The following ENTPD5 variants were observed in gnomAD, a reference collection of about 807,000 sequenced individuals.
ENTPD5 encodes nucleoside diphosphate phosphatase ENTPD5.
In ENTPD5, 49 loss-of-function variants were observed where a neutral mutation model predicts 60.2. That is an observed-to-expected ratio of 0.81 (90% CI 0.65 to 1.03). The LOEUF (loss-of-function observed/expected upper bound fraction) is 1.03, where lower values mean the gene tolerates loss of function less well. Ranked by LOEUF, ENTPD5 falls within the 50% of genes least tolerant of loss-of-function variation. ENTPD5 has a pLI of 0.00. For missense variants in ENTPD5, 480 were observed against 507.6 expected (o/e 0.95, Z 0.52); for synonymous variants, 187 against 185.4 (o/e 1.01, Z -0.07).
At position 73,987,295 on chromosome 14, in the gene ENTPD5, G is replaced by A. The variant is rs1443643189; in HGVS notation, c.218-402C>T. 11 of 613,332 alleles carry A rather than the reference G, an allele frequency of 1.8e-5. No homozygotes were observed. In the East Asian group the frequency reaches 1.9e-4, roughly 11 times the overall value. The allele number at this position is 613,332 out of a possible 1,614,324, so 38.0% of individuals were successfully genotyped here. ...ATTATGGATCCCTGGAGTATCCCATGTTTAAAGAGGAAGAACAAATTATAA... is the reference window on the plus strand; with the variant it reads ...ATTATGGATCCCTGGAGTATCCCATATTTAAAGAGGAAGAACAAATTATAA... On this transcript the variant is annotated intron_variant, in intron 4 of 15. Transcript: ENST00000334696.
At chr14:74,018,511 A>C (rs1028132887) in intron 1 of ENTPD5, 5 of 152,242 alleles carry the variant, frequency 3.3e-5, no homozygotes, top group African/African-American at 1.2e-4. Flanking sequence ...TCATTGAAAA[A>C]TGAGAATACT....
At chr14:73,978,140 T>C (rs1359061413) in intron 6 of ENTPD5, among the ~76,000 whole-genome samples, 3 of 152,172 alleles carry the variant, frequency 2.0e-5, no homozygotes, top group Non-Finnish European at 1.5e-5. Context: ...TTAAGTTATA[T>C]ATAAACAAAC....
chr14:73,988,094 AGTGGCCATTCTTTTCCCAAGAT>A lies in ENTPD5; in HGVS notation c.-14_8del, dbSNP rs754604229. 3 of 1,610,128 alleles carry A rather than the reference AGTGGCCATTCTTTTCCCAAGAT, an allele frequency of 1.9e-6. No individual in the cohort carries two copies. The highest frequency in any genetic ancestry group is 2.5e-6 in the Non-Finnish European group (3 of 1,178,640). On this transcript the variant is annotated start_lost and 5_prime_UTR_variant, in exon 4 of 16. Transcript: ENST00000334696. ...GCATGAAAAAGACTGTGCCCCAAGAAGTGGCCATTCTTTTCCCAAGATGTGGCTGGGTGGAGGCTTTTGTTGC... is the reference window on the plus strand; with the variant it reads ...GCATGAAAAAGACTGTGCCCCAAGAAGTGGCTGGGTGGAGGCTTTTGTTGC...
intron 15 of ENTPD5, among the ~76,000 whole-genome samples, chr14:73,967,708 G>C (rs1430387617): frequency 2.0e-5 from 3 of 151,732 alleles, no homozygotes; most frequent in Admixed American, 2.0e-4. Context: ...GCTGAGGTGG[G>C]AGGGTCACTT....
rs140556510 is a variant in ENTPD5 at position 73,996,186 on chromosome 14, T to C, written c.-70-8014A>G. 8.0e-4 allele frequency: 790 copies of C among 985,394 alleles called. 6 individuals are homozygous for C. The African/African-American group carries it at 0.013, about 16-fold the overall frequency. 61.0% of individuals were successfully genotyped at this position (985,394 alleles called of 1,614,324 possible). On this transcript the variant is annotated intron_variant, in intron 3 of 15. Transcript: ENST00000334696. ...TGCTCTTTGCTCCTGTTTCAGCTCT[T>C]CTTAATCAAGCGAGCCTCATGAACC...
chr14:73,962,324 C>T (rs982010361), downstream of ENTPD5, among the ~76,000 whole-genome samples: 7 of 151,974 alleles, frequency 4.6e-5, no homozygotes, highest in Admixed American at 2.6e-4. Context: ...CCAAGGGTTA[C>T]AAGCAGAAGA....
downstream of ENTPD5, chr14:73,958,704 C>A (rs1017012912): frequency 1.9e-5 from 26 of 1,369,902 alleles, no homozygotes; most frequent in Non-Finnish European, 2.4e-5. Flanking sequence ...TTCCTTATTG[C>A]TCTCTAGTTC....
intron 6 of ENTPD5, among the ~76,000 whole-genome samples, chr14:73,981,223 G>A (rs568254278): frequency 6.9e-4 from 104 of 151,602 alleles, no homozygotes; most frequent in Non-Finnish European, 1.3e-3. Flanking sequence ...ACTTAGGGCC[G>A]GGTGCAGTGG....
At chr14:74,002,168 A>G (rs912969746) in intron 3 of ENTPD5, among the ~76,000 whole-genome samples, 2 of 152,170 alleles carry the variant, frequency 1.3e-5, no homozygotes, top group African/African-American at 4.8e-5. Flanking sequence ...CTGAGCTTAG[A>G]GAAACTAAGT....
chr14:73,959,324 G>A, downstream of ENTPD5: 2 of 1,614,156 alleles, frequency 1.2e-6, no homozygotes, highest in Non-Finnish European at 1.7e-6. Context: ...TGCCCAGGCT[G>A]TTTGTAAGTT....
chr14:73,960,013 T>G (rs2056638251), downstream of ENTPD5: 1 of 1,028,052 alleles, frequency 9.7e-7, no homozygotes, highest in East Asian at 9.0e-5. Flanking sequence ...AATAACCTTT[T>G]GAGGGTTGTG....
intron 6 of ENTPD5, among the ~76,000 whole-genome samples, chr14:73,980,028 C>T (rs1424616524): frequency 6.7e-6 from 1 of 148,366 alleles, no homozygotes; most frequent in East Asian, 2.1e-4. Flanking sequence ...TTCACTGCAA[C>T]CTCTGCCTCC....
chr14:74,015,600 G>A (rs1466121297), intron 2 of ENTPD5, among the ~76,000 whole-genome samples: 1 of 151,936 alleles, frequency 6.6e-6, no homozygotes, highest in Non-Finnish European at 1.5e-5. Context: ...CAATCCGTCT[G>A]CCTTGGCCTC....
At chr14:73,987,496 A>G (rs1240499218) in intron 4 of ENTPD5, among the ~76,000 whole-genome samples, 1 of 151,996 alleles carries the variant, frequency 6.6e-6, no homozygotes, top group African/African-American at 2.4e-5. Flanking sequence ...GGCCAGCCTG[A>G]GCAGGTCTCT....
rs2056961937 is a variant in ENTPD5 at position 73,966,126 on chromosome 14, A to G, written c.*802T>C. The G allele has an allele frequency of 6.6e-6, 1 of 152,234 alleles. No homozygotes were observed. The highest frequency in any genetic ancestry group is 1.5e-5 in the Non-Finnish European group (1 of 68,036). 9.4% of individuals were successfully genotyped at this position (152,234 alleles called of 1,614,324 possible). On this transcript the variant is annotated 3_prime_UTR_variant, in exon 16 of 16. Coordinates refer to ENST00000334696, the MANE Select transcript of ENTPD5 (RefSeq NM_001249.5). ...AAACAAGTTTAGAATCATAGAAAAC[A>G]CTGTTAACACATTAGCCTGGGAGGT... is the stretch of plus-strand genomic sequence containing the variant.
chr14:73,998,277 C>A (rs1317934259), intron 3 of ENTPD5, among the ~76,000 whole-genome samples: 2 of 152,108 alleles, frequency 1.3e-5, no homozygotes, highest in Non-Finnish European at 2.9e-5. Flanking sequence ...TGTGATAAAT[C>A]TAGCAGCTGA....
intron 1 of ENTPD5, among the ~76,000 whole-genome samples, chr14:74,017,961 C>A (rs1367495227): frequency 6.6e-6 from 1 of 151,914 alleles, no homozygotes; most frequent in Non-Finnish European, 1.5e-5. Flanking sequence ...GCAGGTGGAT[C>A]ACCTGAGGCC....
downstream of ENTPD5, chr14:73,959,200 C>T (rs1182815693): frequency 2.5e-6 from 4 of 1,614,110 alleles, no homozygotes; most frequent in Middle Eastern, 1.6e-4. Context: ...GATTTCTTCC[C>T]TCTGGGCCTA....
chr14:74,010,303 C>T (rs1248432336), intron 3 of ENTPD5, among the ~76,000 whole-genome samples: 1 of 152,126 alleles, frequency 6.6e-6, no homozygotes, highest in Admixed American at 6.5e-5. Context: ...GCCTGTAATC[C>T]CAGCACTTTG....
Sources: allele counts gnomAD v4.1 joint callset (sites outside exome capture counted in the v4.1 genomes callset), GRCh38; gene constraint gnomAD v4.1.1; transcripts MANE v1.5; gene names NCBI Gene and HGNC (gene_info 2026-07-23, HGNC 2026-07-21).